Variants in ATP8A2 observed in about 807,000 individuals in gnomAD.
The protein encoded by ATP8A2 is ATPase phospholipid transporting 8A2, also known as phospholipid-transporting ATPase IB.
In ATP8A2, 100 loss-of-function variants were observed where a neutral mutation model predicts 165.6. The ratio of observed to expected loss-of-function variants is 0.60; its 90% confidence interval spans 0.51 to 0.71. The LOEUF is 0.71. Ranked by LOEUF, ATP8A2 falls within the 30% of genes least tolerant of loss-of-function variation. The pLI, the probability that ATP8A2 is intolerant of heterozygous loss-of-function variation, is 0.00. For missense variants in ATP8A2, 1,227 were observed against 1,479.5 expected (o/e 0.83, Z 2.80); for synonymous variants, 543 against 548.8 (o/e 0.99, Z 0.15).
intron 24 of ATP8A2, among the ~76,000 whole-genome samples, chr13:25,620,405 A>G (rs898402144): frequency 3.3e-5 from 5 of 152,198 alleles, no homozygotes; most frequent in African/African-American, 9.6e-5. Context: ...AAACACTCAC[A>G]AAAGTTAAGA....
rs1332672135 is a variant in ATP8A2 at position 25,745,026 on chromosome 13, C to T, written c.2385-24020C>T. On this transcript the variant is annotated intron_variant, in intron 25 of 36. Coordinates refer to ENST00000381655, the MANE Select transcript of ATP8A2 (RefSeq NM_016529.6). ...CACGATCTTGGCTCACTACAACCTC[C>T]GCCTCCCAGGTTCAAGCCGTTCTCC... Among the ~76,000 whole-genome samples, 7 of 152,110 alleles carry T rather than the reference C, an allele frequency of 4.6e-5. No homozygotes were observed. The East Asian group carries it at 7.8e-4, about 17-fold the overall frequency.
intron 22 of ATP8A2, among the ~76,000 whole-genome samples, chr13:25,581,472 A>G (rs1002181912): frequency 1.3e-5 from 2 of 152,216 alleles, no homozygotes; most frequent in Non-Finnish European, 2.9e-5. Context: ...TAAATGTGAC[A>G]TAATATGCTA....
chr13:25,753,591 G>T (rs1045704693), intron 25 of ATP8A2, among the ~76,000 whole-genome samples: 8 of 152,166 alleles, frequency 5.3e-5, no homozygotes, highest in Non-Finnish European at 8.8e-5. Context: ...ACATGGTGCT[G>T]GTATTGCAGG....
intron 35 of ATP8A2, among the ~76,000 whole-genome samples, chr13:25,972,334 A>G (rs895369717): frequency 6.6e-6 from 1 of 152,246 alleles, no homozygotes; most frequent in African/African-American, 2.4e-5. Flanking sequence ...TCCAAAATCA[A>G]CCTGTGGAAT....
chr13:25,832,230 G>C (rs1951497506), intron 28 of ATP8A2, among the ~76,000 whole-genome samples: 1 of 152,112 alleles, frequency 6.6e-6, no homozygotes, highest in African/African-American at 2.4e-5. Context: ...GAGCCACTGT[G>C]CCTGGCTCAT....
intron 33 of ATP8A2, among the ~76,000 whole-genome samples, chr13:25,881,898 A>G (rs1952989517): frequency 6.6e-6 from 1 of 152,206 alleles, no homozygotes; most frequent in African/African-American, 2.4e-5. Flanking sequence ...TAAAAGGCAG[A>G]GAGGTCCTGG....
intron 25 of ATP8A2, among the ~76,000 whole-genome samples, chr13:25,719,130 C>T (rs773644945): frequency 3.9e-5 from 6 of 152,176 alleles, no homozygotes; most frequent in East Asian, 1.9e-4. Context: ...ATCTCCGTGT[C>T]GGAAACTTCC....
intron 33 of ATP8A2, chr13:25,944,457 A>C (rs1955153984): frequency 6.6e-6 from 1 of 152,292 alleles, no homozygotes. Context: ...CAGTGAGCCG[A>C]GACTGCACCA....
chr13:25,565,147 G>C (rs1042649668), intron 16 of ATP8A2, among the ~76,000 whole-genome samples: 1 of 151,996 alleles, frequency 6.6e-6, no homozygotes, highest in African/African-American at 2.4e-5. Flanking sequence ...TCCACTCATT[G>C]ATTGATGGGC....
chr13:25,379,367 C>G (rs1227743716), intron 1 of ATP8A2, among the ~76,000 whole-genome samples: 1 of 152,166 alleles, frequency 6.6e-6, no homozygotes, highest in East Asian at 1.9e-4. Flanking sequence ...GAGTACTTCT[C>G]TATACTGACA....
intron 24 of ATP8A2, among the ~76,000 whole-genome samples, chr13:25,647,317 C>G (rs1827973430): frequency 6.6e-6 from 1 of 152,096 alleles, no homozygotes; most frequent in African/African-American, 2.4e-5. Flanking sequence ...TTTTGTTTGT[C>G]TGGAAAAGTT....
At chr13:25,929,780 T>G (rs1954714059) in intron 33 of ATP8A2, among the ~76,000 whole-genome samples, 1 of 152,134 alleles carries the variant, frequency 6.6e-6, no homozygotes, top group African/African-American at 2.4e-5. Flanking sequence ...GCTGTGATCA[T>G]GCCAGTGCAC....
chr13:25,695,108 CTGT>C (rs1015058530), intron 24 of ATP8A2, among the ~76,000 whole-genome samples: 1 of 151,518 alleles, frequency 6.6e-6, no homozygotes, highest in African/African-American at 2.4e-5. Context: ...AAAGCAAATA[CTGT>C]AATAAAGCAA....
chr13:25,880,925 A>T (rs546252870), intron 33 of ATP8A2: 1 of 456,376 alleles, frequency 2.2e-6, no homozygotes, highest in South Asian at 1.6e-5. Context: ...CCCCAAATCT[A>T]CTTTTCTGTG....
intron 1 of ATP8A2, among the ~76,000 whole-genome samples, chr13:25,422,792 G>C (rs1306965850): frequency 6.6e-6 from 1 of 152,212 alleles, no homozygotes; most frequent in African/African-American, 2.4e-5. Flanking sequence ...GTTTGAAATA[G>C]TTATCCTTGG....
chr13:25,816,942 G>A (rs1023186322), intron 27 of ATP8A2, among the ~76,000 whole-genome samples: 3 of 152,072 alleles, frequency 2.0e-5, no homozygotes, highest in Non-Finnish European at 4.4e-5. Context: ...TTAAGGGTGT[G>A]ACTTTATTGG....
intron 1 of ATP8A2, among the ~76,000 whole-genome samples, chr13:25,456,341 C>T (rs78272977): frequency 1.3e-5 from 2 of 152,216 alleles, no homozygotes; most frequent in African/African-American, 2.4e-5. Context: ...ACAGTCCACA[C>T]TTATACAAGT....
chr13:25,820,662 A>G (rs544036546), intron 27 of ATP8A2, among the ~76,000 whole-genome samples: 3 of 152,224 alleles, frequency 2.0e-5, no homozygotes, highest in Admixed American at 6.5e-5. Context: ...TTTTTGGTGT[A>G]TGAATTAACA....
At chr13:25,782,327 TATC>T (rs1032863838) in intron 27 of ATP8A2, among the ~76,000 whole-genome samples, 1 of 152,244 alleles carries the variant, frequency 6.6e-6, no homozygotes, top group Non-Finnish European at 1.5e-5. Flanking sequence ...AATTTAAAAA[TATC>T]ATTGACATAT....
Sources: allele counts gnomAD v4.1 joint callset (sites outside exome capture counted in the v4.1 genomes callset), GRCh38; gene constraint gnomAD v4.1.1; transcripts MANE v1.5; gene names NCBI Gene and HGNC (gene_info 2026-07-23, HGNC 2026-07-21).